Variants in ARHGEF26 observed in about 807,000 individuals in gnomAD.
The protein encoded by ARHGEF26 is Rho guanine nucleotide exchange factor (GEF) 26.
In ARHGEF26, 59 loss-of-function variants were observed where a neutral mutation model predicts 89.4. The ratio of observed to expected loss-of-function variants is 0.66; its 90% confidence interval spans 0.54 to 0.82. The LOEUF (loss-of-function observed/expected upper bound fraction) is 0.82. ARHGEF26 is among the 40% of genes least tolerant of loss of function. ARHGEF26 has a pLI of 0.00. For synonymous variants in ARHGEF26, 500 were observed against 428.4 expected, an observed-to-expected ratio of 1.17 and a Z score of -2.06; for missense variants, 1,234 against 1,085.6, an observed-to-expected ratio of 1.14 and a Z score of -1.92.
chr3:154,171,989 AT>A (rs1712474559), intron 6 of ARHGEF26, among the ~76,000 whole-genome samples: 1 of 152,108 alleles, frequency 6.6e-6, no homozygotes, highest in Non-Finnish European at 1.5e-5. Context: ...CTTCTTCCAT[AT>A]TTATAAAGGA....
At chr3:154,178,345 G>A (rs980464481) in intron 6 of ARHGEF26, among the ~76,000 whole-genome samples, 2 of 152,168 alleles carry the variant, frequency 1.3e-5, no homozygotes, top group Middle Eastern at 3.4e-3. Flanking sequence ...AGAGTTTTAC[G>A]ATTTCATCAC....
intron 6 of ARHGEF26, among the ~76,000 whole-genome samples, chr3:154,153,233 A>G (rs1720132501): frequency 6.6e-6 from 1 of 152,092 alleles, no homozygotes; most frequent in South Asian, 2.1e-4. Flanking sequence ...CTAGTCTGTG[A>G]TATTCATCCA....
chr3:154,215,016 G>A (rs1715632159), intron 9 of ARHGEF26, among the ~76,000 whole-genome samples: 1 of 152,172 alleles, frequency 6.6e-6, no homozygotes, highest in African/African-American at 2.4e-5. Context: ...ATTGGGGAAA[G>A]TCCATATAAT....
chr3:154,239,913 G>C (rs1399559331), intron 11 of ARHGEF26, among the ~76,000 whole-genome samples: 2 of 152,048 alleles, frequency 1.3e-5, no homozygotes, highest in African/African-American at 4.8e-5. Context: ...GAAGCAAGCA[G>C]ACCTCTGGGG....
intron 6 of ARHGEF26, among the ~76,000 whole-genome samples, chr3:154,159,106 A>G (rs1711521186): frequency 6.6e-6 from 1 of 152,266 alleles, no homozygotes; most frequent in African/African-American, 2.4e-5. Flanking sequence ...TGAAAATTAG[A>G]TGAGTCTTTG....
chr3:154,256,592 G>GAT lies in ARHGEF26; in HGVS notation c.*1121_*1122dup. 1.2e-6 allele frequency: 1 copy of GAT among 826,324 alleles called. No individual in the cohort carries two copies. The highest frequency in any genetic ancestry group is 1.5e-6 in the Non-Finnish European group (1 of 685,122). The allele number at this position is 826,324 out of a possible 1,614,324, so 51.2% of individuals were successfully genotyped here. A position where few individuals can be genotyped will look rare whatever the true frequency, so the allele number is the denominator to read the frequency against. On this transcript the variant is annotated 3_prime_UTR_variant, in exon 15 of 15. Transcript: ENST00000465093. ...AAAAAAAAACCTTCCCAAATGAGCT[G>GAT]ATAAAAAACTGACGTGAGGCTGCTT...
intron 6 of ARHGEF26, among the ~76,000 whole-genome samples, chr3:154,158,641 C>CT (rs1417048749): frequency 1.3e-5 from 2 of 152,140 alleles, no homozygotes; most frequent in Admixed American, 1.3e-4. Context: ...TCATGATCTC[C>CT]TTGTCTTTTA....
intron 12 of ARHGEF26, among the ~76,000 whole-genome samples, chr3:154,241,842 A>C (rs1175193311): frequency 6.6e-6 from 1 of 152,232 alleles, no homozygotes; most frequent in East Asian, 1.9e-4. Context: ...GATGATGGAG[A>C]ATAATGAATC....
chr3:154,236,462 C>A (rs1327542095), intron 11 of ARHGEF26, among the ~76,000 whole-genome samples: 1 of 152,222 alleles, frequency 6.6e-6, no homozygotes, highest in South Asian at 2.1e-4. Flanking sequence ...CTTCTCCATG[C>A]AAGGAAAGAT....
rs1718564589 is a variant in ARHGEF26, at chr3:154,256,986, T to C, written c.*1513T>C. The C allele has an allele frequency of 2.6e-6, 4 of 1,520,406 alleles. No individual in the cohort carries two copies. Among genetic ancestry groups the C allele is most frequent in the Non-Finnish European group, 3.5e-6 (4 of 1,140,536 alleles). The allele number at this position is 1,520,406 out of a possible 1,614,324, so 94.2% of individuals were successfully genotyped here. ...TATTCCCTCTCTGTTCTATTTGCTT[T>C]AACAAAGGGATAAAACCTGGCAAAG... On this transcript the variant is annotated 3_prime_UTR_variant, in exon 15 of 15. Transcript: ENST00000465093.
chr3:154,158,087 T>G (rs74644549), intron 6 of ARHGEF26, among the ~76,000 whole-genome samples: 9,544 of 152,082 alleles, frequency 0.063, 859 homozygotes, highest in African/African-American at 0.19. Context: ...GGGGCCAGGG[T>G]GCCAGGCATC....
intron 10 of ARHGEF26, among the ~76,000 whole-genome samples, chr3:154,220,132 G>T (rs181057249): frequency 5.8e-4 from 89 of 152,304 alleles, no homozygotes; most frequent in Non-Finnish European, 1.0e-3. Context: ...ATGAATAACA[G>T]TGGACATTTC....
In ARHGEF26 at chr3:154,122,232, C is replaced by A. The variant is rs1026128378; in HGVS notation, c.240C>A (p.Ser80Arg). Residue 80 changes from serine to arginine, a missense_variant, in exon 2 of 15, where the codon AGC becomes AGA. Coordinates refer to ENST00000465093, the MANE Select transcript of ARHGEF26 (RefSeq NM_015595.4). ...TASDSRTVHR[S>R]PLLLGAQRRA... ...CGGACAGCAGGACGGTACATAGGAGCCCCCTGCTTCTGGGCGCCCAGCGGA... is the reference window on the plus strand; with the variant it reads ...CGGACAGCAGGACGGTACATAGGAGACCCCTGCTTCTGGGCGCCCAGCGGA... 1.9e-6 allele frequency: 3 copies of A among 1,609,868 alleles called. No individual in the cohort carries two copies. The highest frequency in any genetic ancestry group is 1.7e-5 in the Admixed American group (1 of 59,530).
intron 6 of ARHGEF26, among the ~76,000 whole-genome samples, chr3:154,169,038 G>A (rs1253879891): frequency 3.3e-5 from 5 of 151,958 alleles, no homozygotes; most frequent in Non-Finnish European, 7.4e-5. Context: ...TATTGAAATT[G>A]CTATTATTTA....
intron 6 of ARHGEF26, among the ~76,000 whole-genome samples, chr3:154,185,086 G>T (rs1290618283): frequency 6.6e-6 from 1 of 152,082 alleles, no homozygotes; most frequent in Non-Finnish European, 1.5e-5. Context: ...CACAAGAGTG[G>T]TCACTCTGCC....
intron 3 of ARHGEF26, among the ~76,000 whole-genome samples, chr3:154,127,712 A>G (rs1718419305): frequency 6.6e-6 from 1 of 151,832 alleles, no homozygotes; most frequent in Non-Finnish European, 1.5e-5. Flanking sequence ...ATCAAGTATC[A>G]TGAACTGTAT....
chr3:154,205,514 A>G (rs1042545006), intron 9 of ARHGEF26, among the ~76,000 whole-genome samples: 16 of 152,092 alleles, frequency 1.1e-4, no homozygotes, highest in South Asian at 4.1e-4. Context: ...ATTCAATGTT[A>G]TTATTGGTAA....
intron 12 of ARHGEF26, among the ~76,000 whole-genome samples, chr3:154,250,756 G>T (rs1488997620): frequency 4.6e-5 from 7 of 152,176 alleles, no homozygotes; most frequent in Non-Finnish European, 8.8e-5. Flanking sequence ...ATTTCTCTTG[G>T]TGAGCAACAC....
In ARHGEF26 at chr3:154,255,537, G is replaced by C. The variant is rs914488688; in HGVS notation, c.*64G>C. The C allele has an allele frequency of 3.2e-6, 5 of 1,541,766 alleles. No homozygotes were observed. In the Admixed American group the frequency reaches 1.1e-4, roughly 34 times the overall value. On this transcript the variant is annotated 3_prime_UTR_variant, in exon 15 of 15. Coordinates refer to ENST00000465093, the MANE Select transcript of ARHGEF26 (RefSeq NM_015595.4). Reference sequence around the variant, plus strand: ...ACACTTACCGGGCTGGTTGGTTCTGGGCTAGTTTTATTGTTAATTTTGTCA... The same window carrying C: ...ACACTTACCGGGCTGGTTGGTTCTGCGCTAGTTTTATTGTTAATTTTGTCA...
Sources: gnomAD v4.1 joint callset for allele counts (sites outside exome capture counted in the v4.1 genomes callset) on GRCh38, gnomAD v4.1.1 for gene constraint, MANE v1.5 for transcripts, NCBI Gene and HGNC (gene_info 2026-07-23, HGNC 2026-07-21) for gene names.